The following UTRN variants were observed in gnomAD, a reference collection of about 807,000 sequenced individuals.
UTRN encodes utrophin, also known as dystrophin-related protein 1.
A neutral mutation model predicts 463.9 loss-of-function variants in UTRN; 283 were observed. That is an observed-to-expected ratio of 0.61 (90% CI 0.55 to 0.67). The LOEUF is 0.67. Among genes scored for constraint, UTRN ranks in the 30% least tolerant of loss-of-function variants. UTRN has a pLI of 0.00. For missense variants in UTRN, 3,922 were observed against 4,084.3 expected, an observed-to-expected ratio of 0.96 and a Z score of 1.08; for synonymous variants, 1,442 against 1,431.5, an observed-to-expected ratio of 1.01 and a Z score of -0.17.
In UTRN at chr6:144,459,009, C is replaced by T; in HGVS notation, c.2524C>T (p.Gln842Ter). Residue 842 changes from glutamine (Q) to a stop codon, truncating the protein, a stop_gained and splice_region_variant, in exon 20 of 75, where the codon CAG (glutamine) becomes TAG (stop). Coordinates refer to ENST00000367545, the MANE Select transcript of UTRN (RefSeq NM_007124.3). LOFTEE classifies it high-confidence loss of function. ...CTTGCCAAGCTTGAAGGATTCCTGT[C>T]AGGTAAGGAGCCAACGGTCTGGAAA... is the stretch of plus-strand genomic sequence containing the variant. ...QSLPSLKDSC[Q>*]RELTNLLGLH... The T allele has an allele frequency of 6.2e-7, 1 of 1,601,246 alleles. No homozygotes were observed. The highest frequency in any genetic ancestry group is 1.7e-5 in the Admixed American group (1 of 57,940).
chr6:144,627,831 G>T (rs754245544), intron 51 of UTRN, among the ~76,000 whole-genome samples: 7 of 124,718 alleles, frequency 5.6e-5, no homozygotes, highest in African/African-American at 2.2e-4. Flanking sequence ...GTGGAGTCTC[G>T]CTCTGTCACC....
At chr6:144,545,335 A>G (rs1798307581) in intron 46 of UTRN, among the ~76,000 whole-genome samples, 1 of 152,148 alleles carries the variant, frequency 6.6e-6, no homozygotes, top group African/African-American at 2.4e-5. Context: ...TTCTTTGTTC[A>G]CAGTCTTTTA....
At chr6:144,678,750 A>G (rs1265571987) in intron 52 of UTRN, among the ~76,000 whole-genome samples, 172 bp downstream of exon 52, 2 of 152,164 alleles carry the variant, frequency 1.3e-5, no homozygotes, top group Admixed American at 6.6e-5. Context: ...TTCAAGCTCT[A>G]TTTGTGTCCA....
chr6:144,621,510 C>T (rs1775377429), intron 51 of UTRN, among the ~76,000 whole-genome samples: 1 of 152,156 alleles, frequency 6.6e-6, no homozygotes, highest in African/African-American at 2.4e-5. Flanking sequence ...CTATCTTGGG[C>T]TCCCATAGCA....
Position 144,542,820 on chromosome 6 carries a change from T to G in UTRN, c.6545T>G (p.Leu2182Arg). The G allele has an allele frequency of 6.2e-7, 1 of 1,613,816 alleles. No individual in the cohort carries two copies. The highest frequency in any genetic ancestry group is 8.5e-7 in the Non-Finnish European group (1 of 1,179,872). ...NKICREVPTT[L>R]KECIQEPSSV... is the part of the protein sequence containing the mutation. ...ATTTGCAGAGAGGTGCCTACCACCC[T>G]GAAGGAATGCATCCAGGAGCCCAGT... The change falls in exon 46 of 75, where the codon CTG becomes CGG. Residue 2182 changes from leucine to arginine, a missense_variant. By Grantham distance (102) the Leu-to-Arg change is moderately radical. Transcript: ENST00000367545.
chr6:144,358,852 C>T (rs750148804), intron 2 of UTRN, among the ~76,000 whole-genome samples: 64 of 152,278 alleles, frequency 4.2e-4, no homozygotes, highest in Middle Eastern at 3.4e-3. Flanking sequence ...CATATTAATA[C>T]AACAGTAACT....
intron 41 of UTRN, among the ~76,000 whole-genome samples, chr6:144,527,762 A>C (rs993913837): frequency 3.3e-5 from 5 of 152,082 alleles, no homozygotes; most frequent in Non-Finnish European, 7.4e-5. Context: ...GGTTTCTTCT[A>C]CTTGTTCGAA....
At chr6:144,732,243 T>TACACAC (rs1423682997) in intron 54 of UTRN, among the ~76,000 whole-genome samples, 1 of 100,970 alleles carries the variant, frequency 9.9e-6, no homozygotes, top group East Asian at 2.6e-4. Context: ...TATATACATA[T>TACACAC]ATATATATAT....
At chr6:144,289,487 T>G (rs1804018149) in intron 1 of UTRN, among the ~76,000 whole-genome samples, 1 of 152,116 alleles carries the variant, frequency 6.6e-6, no homozygotes, top group South Asian at 2.1e-4. Context: ...TTATTTAAAA[T>G]TTTTATTTAC....
At chr6:144,378,343 C>G (rs1367841100) in intron 2 of UTRN, among the ~76,000 whole-genome samples, 1 of 152,198 alleles carries the variant, frequency 6.6e-6, no homozygotes, top group East Asian at 1.9e-4. Flanking sequence ...GTATTGGGAA[C>G]TGCATATACT....
chr6:144,557,140 C>T lies in UTRN; in HGVS notation c.7135-17C>T, dbSNP rs781083850. On this transcript the variant is annotated splice_polypyrimidine_tract_variant and intron_variant, in intron 49 of 74. Coordinates refer to ENST00000367545, the MANE Select transcript of UTRN (RefSeq NM_007124.3). ...GAGTGACCAAGTCTAACAAACAGAC[C>T]TGCACTTGCACCTCAGATACTGCTT... is the stretch of plus-strand genomic sequence containing the variant. 10 of 1,610,886 alleles carry T rather than the reference C, an allele frequency of 6.2e-6. No homozygotes were observed. The African/African-American group carries it at 8.0e-5, about 13-fold the overall frequency.
intron 17 of UTRN, among the ~76,000 whole-genome samples, chr6:144,450,918 G>T (rs1306994997): frequency 1.3e-5 from 2 of 152,154 alleles, no homozygotes; most frequent in South Asian, 2.1e-4. Context: ...CATGAGGTCA[G>T]CCTGGCCAAC....
intron 51 of UTRN, among the ~76,000 whole-genome samples, chr6:144,585,462 T>C (rs192890580): frequency 6.6e-6 from 1 of 152,242 alleles, no homozygotes; most frequent in Admixed American, 6.5e-5. Context: ...CCTAAAGAAC[T>C]GGAAATCCAG....
intron 51 of UTRN, among the ~76,000 whole-genome samples, chr6:144,667,375 C>T (rs1195232379): frequency 6.6e-6 from 1 of 152,094 alleles, no homozygotes; most frequent in Non-Finnish European, 1.5e-5. Context: ...TTTTGCTTCT[C>T]TTCAATGTGA....
intron 2 of UTRN, among the ~76,000 whole-genome samples, chr6:144,378,493 C>G (rs1453565727): frequency 6.6e-6 from 1 of 152,166 alleles, no homozygotes; most frequent in Non-Finnish European, 1.5e-5. Context: ...GAAGTCCGCT[C>G]TGAAGAGAAG....
intron 2 of UTRN, among the ~76,000 whole-genome samples, chr6:144,390,165 A>G (rs1191886164): frequency 6.6e-6 from 1 of 152,230 alleles, no homozygotes; most frequent in African/African-American, 2.4e-5. Context: ...CTTAAGAGCC[A>G]TAGAGTCTAA....
intron 65 of UTRN, among the ~76,000 whole-genome samples, chr6:144,813,851 A>G (rs964466927): frequency 6.6e-6 from 1 of 152,206 alleles, no homozygotes; most frequent in Non-Finnish European, 1.5e-5. Flanking sequence ...AAGGTGTGAC[A>G]TTTCTAGAAT....
intron 69 of UTRN, 103 bp downstream of exon 69, chr6:144,828,958 C>A (rs1174225057): frequency 1.5e-6 from 2 of 1,353,462 alleles, no homozygotes; most frequent in Non-Finnish European, 2.1e-6. Context: ...TGATCCCAAT[C>A]AAAATTATTA....
At chr6:144,627,961 G>A (rs558618644) in intron 51 of UTRN, among the ~76,000 whole-genome samples, 203 of 151,944 alleles carry the variant, frequency 1.3e-3, no homozygotes, top group African/African-American at 4.7e-3. Context: ...CACCACTCCC[G>A]GCTAATTTTT....
Sources: gnomAD v4.1 joint callset for allele counts (sites outside exome capture counted in the v4.1 genomes callset) on GRCh38, gnomAD v4.1.1 for gene constraint, MANE v1.5 for transcripts, NCBI Gene and HGNC (gene_info 2026-07-23, HGNC 2026-07-21) for gene names.